The following DLC1 variants were observed in gnomAD, a reference collection of about 807,000 sequenced individuals.
The protein encoded by DLC1 is rho GTPase-activating protein 7.
Under a neutral mutation model 140.3 loss-of-function variants are expected in DLC1, and 54 were observed. That is an observed-to-expected ratio of 0.38 (90% CI 0.31 to 0.48). The LOEUF (loss-of-function observed/expected upper bound fraction) is 0.48. Among genes scored for constraint, DLC1 ranks in the 20% least tolerant of loss-of-function variants. The pLI is 0.96. For synonymous variants in DLC1, 986 were observed against 728.1 expected (o/e 1.35, Z -5.70); for missense variants, 2,536 against 1,907.0 (o/e 1.33, Z -6.14).
intron 5 of DLC1, among the ~76,000 whole-genome samples, chr8:13,147,133 G>C (rs757885276): frequency 3.3e-5 from 5 of 152,158 alleles, no homozygotes; most frequent in Admixed American, 6.6e-5. Context: ...GTCCTTGCTA[G>C]GCCATTATAG....
At chr8:13,593,491 T>G (rs1269226538) in intron 1 of DLC1, among the ~76,000 whole-genome samples, 1 of 152,096 alleles carries the variant, frequency 6.6e-6, no homozygotes. Context: ...TTCACGCTTC[T>G]CCAACTCTGA....
intron 2 of DLC1, among the ~76,000 whole-genome samples, chr8:13,427,272 T>C (rs562080408): frequency 6.6e-6 from 1 of 152,130 alleles, no homozygotes; most frequent in Non-Finnish European, 1.5e-5. Context: ...CCCACAGTTC[T>C]CTGTCCAACT....
chr8:13,102,859 G>C lies in DLC1; in HGVS notation c.1503-6C>G, dbSNP rs1037137444. On this transcript the variant is annotated splice_polypyrimidine_tract_variant and splice_region_variant and intron_variant, in intron 7 of 17. Coordinates refer to ENST00000276297, the MANE Select transcript of DLC1 (RefSeq NM_182643.3). ...TGTTTAAAGTATTTAGACGCCTATA[G>C]AGCAAAGAAATAACGTTAGCAAAGA... 8.7e-6 allele frequency: 14 copies of C among 1,613,074 alleles called. No individual in the cohort carries two copies. The highest frequency in any genetic ancestry group is 1.7e-5 in the Admixed American group (1 of 59,870).
At chr8:13,416,610 C>G (rs1276118096) in intron 2 of DLC1, among the ~76,000 whole-genome samples, 1 of 152,056 alleles carries the variant, frequency 6.6e-6, no homozygotes, top group Non-Finnish European at 1.5e-5. Context: ...ATAAAACAGA[C>G]CAAAATAGTA....
At chr8:13,585,893 T>A (rs1805289153) in intron 1 of DLC1, among the ~76,000 whole-genome samples, 1 of 152,236 alleles carries the variant, frequency 6.6e-6, no homozygotes, top group African/African-American at 2.4e-5. Context: ...AAGTACTTTT[T>A]CAGTGTATTA....
At chr8:13,348,677 G>C (rs1834488281) in intron 4 of DLC1, among the ~76,000 whole-genome samples, 1 of 152,032 alleles carries the variant, frequency 6.6e-6, no homozygotes, top group Non-Finnish European at 1.5e-5. Flanking sequence ...CTATCTTAAA[G>C]CCCTCTCAAA....
intron 5 of DLC1, among the ~76,000 whole-genome samples, chr8:13,148,260 T>A (rs901105595): frequency 6.6e-6 from 1 of 152,122 alleles, no homozygotes. Context: ...CCAATAGTGA[T>A]CTTTTCTGCT....
chr8:13,454,052 G>A (rs1015967282), intron 2 of DLC1, among the ~76,000 whole-genome samples: 2 of 152,056 alleles, frequency 1.3e-5, no homozygotes, highest in Non-Finnish European at 2.9e-5. Flanking sequence ...AATTGCCACT[G>A]TACTGGGATT....
chr8:13,135,202 GC>G (rs1822470684), intron 5 of DLC1, among the ~76,000 whole-genome samples: 1 of 144,284 alleles, frequency 6.9e-6, no homozygotes, highest in Non-Finnish European at 1.5e-5. Flanking sequence ...ACAGTGAGAA[GC>G]CTTTTTTTTT....
chr8:13,208,305 C>A lies in DLC1; in HGVS notation c.1349-92648G>T, dbSNP rs146214028. ...TAAATTGCATGAAGCTTATTCATATCTTATTACCTATCAGTTTCTAGGCAG... is the reference window on the plus strand; with the variant it reads ...TAAATTGCATGAAGCTTATTCATATATTATTACCTATCAGTTTCTAGGCAG... On this transcript the variant is annotated intron_variant, in intron 5 of 17. Coordinates refer to ENST00000276297, the MANE Select transcript of DLC1 (RefSeq NM_182643.3). 7.9e-5 allele frequency among the ~76,000 whole-genome samples: 12 copies of A among 152,158 alleles called. No homozygotes were observed. The East Asian group carries it at 2.1e-3, about 27-fold the overall frequency.
At chr8:13,304,280 T>C (rs373400011) in intron 5 of DLC1, among the ~76,000 whole-genome samples, 2 of 152,198 alleles carry the variant, frequency 1.3e-5, no homozygotes, top group Non-Finnish European at 2.9e-5. Flanking sequence ...ATTTTTCTCT[T>C]GAGCTGACAT....
chr8:13,388,296 G>T (rs1196704763), intron 4 of DLC1, among the ~76,000 whole-genome samples: 4 of 151,926 alleles, frequency 2.6e-5, no homozygotes, highest in African/African-American at 9.7e-5. Context: ...TGAACAAGTT[G>T]ATTATTGTTT....
chr8:13,544,795 G>C (rs1442296688), intron 1 of DLC1, among the ~76,000 whole-genome samples: 1 of 152,148 alleles, frequency 6.6e-6, no homozygotes, highest in Non-Finnish European at 1.5e-5. Context: ...TAAATTTTGG[G>C]AGTAAGCTTC....
intron 2 of DLC1, among the ~76,000 whole-genome samples, chr8:13,456,831 T>C (rs994248828): frequency 1.3e-5 from 2 of 152,198 alleles, no homozygotes; most frequent in African/African-American, 2.4e-5. Context: ...TCTACTACCA[T>C]TGACTTAGCT....
intron 5 of DLC1, among the ~76,000 whole-genome samples, chr8:13,254,377 G>A (rs1207048872): frequency 1.3e-5 from 2 of 152,046 alleles, no homozygotes; most frequent in Non-Finnish European, 2.9e-5. Context: ...TGAACTTCTG[G>A]GTTTCTGTTT....
chr8:13,388,914 A>C (rs774083570), intron 4 of DLC1, among the ~76,000 whole-genome samples: 3 of 151,976 alleles, frequency 2.0e-5, no homozygotes, highest in Non-Finnish European at 4.4e-5. Flanking sequence ...TGAGCATTCA[A>C]ATATTAGTGA....
At chr8:13,506,573 G>GTA in intron 1 of DLC1, among the ~76,000 whole-genome samples, 1 of 9,580 alleles carries the variant, frequency 1.0e-4, no homozygotes, top group Non-Finnish European at 6.9e-4. Context: ...ACACATGTGT[G>GTA]TGTGTGTGTA....
intron 6 of DLC1, among the ~76,000 whole-genome samples, chr8:13,114,382 T>C (rs1450495822): frequency 1.3e-5 from 2 of 152,092 alleles, no homozygotes; most frequent in African/African-American, 2.4e-5. Flanking sequence ...AATAAATAAA[T>C]GAACAGCCTA....
chr8:13,311,967 A>G (rs1235720412), intron 4 of DLC1, among the ~76,000 whole-genome samples: 1 of 152,218 alleles, frequency 6.6e-6, no homozygotes, highest in East Asian at 1.9e-4. Context: ...TGAGATACCT[A>G]AATGTTGAAT....
Sources: gnomAD v4.1 joint callset for allele counts (sites outside exome capture counted in the v4.1 genomes callset) on GRCh38, gnomAD v4.1.1 for gene constraint, MANE v1.5 for transcripts, NCBI Gene and HGNC (gene_info 2026-07-23, HGNC 2026-07-21) for gene names.